The following RAB27B variants were observed in gnomAD, a reference collection of about 807,000 sequenced individuals.
The protein encoded by RAB27B is RAB27B, member RAS oncogene family.
Under a neutral mutation model 24.6 loss-of-function variants are expected in RAB27B, and 15 were observed. The ratio of observed to expected loss-of-function variants is 0.61; its 90% CI spans 0.41 to 0.94. The LOEUF (loss-of-function observed/expected upper bound fraction) is 0.94. RAB27B is among the 40% of genes least tolerant of loss of function. The pLI is 0.00. For synonymous variants in RAB27B, 105 were observed against 92.5 expected (o/e 1.14, Z -0.78); for missense variants, 261 against 266.8 (o/e 0.98, Z 0.15).
chr18:54,800,283 A>AG (rs1452270197), intron 2 of RAB27B, among the ~76,000 whole-genome samples: 3 of 152,224 alleles, frequency 2.0e-5, no homozygotes, highest in African/African-American at 7.2e-5. Flanking sequence ...TACAATGAAG[A>AG]GAATTGTGTA....
intron 1 of RAB27B, among the ~76,000 whole-genome samples, chr18:54,850,854 T>C (rs916426360): frequency 2.0e-5 from 3 of 151,764 alleles, no homozygotes; most frequent in Admixed American, 1.3e-4. Flanking sequence ...TACATATTCC[T>C]AAAGAGAGTG....
At chr18:54,854,580 A>G (rs1403112899) in intron 1 of RAB27B, among the ~76,000 whole-genome samples, 1 of 152,198 alleles carries the variant, frequency 6.6e-6, no homozygotes, top group African/African-American at 2.4e-5. Context: ...ATTAAGTGTG[A>G]AATTTCCTAA....
chr18:54,877,705 T>A lies in RAB27B; in HGVS notation c.120T>A (p.Thr40=), dbSNP rs571181264. 7.0e-5 allele frequency: 112 copies of A among 1,594,082 alleles called. No homozygotes were observed. The East Asian group carries it at 1.8e-3, about 26-fold the overall frequency. The part of the protein sequence containing the change: ...TDNKFNPKFI[T]TVGIDFREKR... The stretch of plus-strand genomic sequence containing the variant: ...ATAAATTCAATCCCAAATTCATCAC[T>A]ACAGTAGGAATAGACTTTCGGGAAA... The change falls in exon 2 of 6, where the codon ACT becomes ACA. Residue 40 remains threonine (T), a synonymous_variant. Transcript: ENST00000262094.
intron 2 of RAB27B, among the ~76,000 whole-genome samples, chr18:54,803,938 T>G (rs1909687976): frequency 6.6e-6 from 1 of 152,142 alleles, no homozygotes; most frequent in African/African-American, 2.4e-5. Flanking sequence ...GTGACTTTAT[T>G]AAATTGTCAC....
At chr18:54,815,848 T>C (rs562079122) in intron 2 of RAB27B, among the ~76,000 whole-genome samples, 1 of 152,254 alleles carries the variant, frequency 6.6e-6, no homozygotes, top group East Asian at 1.9e-4. Context: ...GGTCTCGAAC[T>C]CCTGACCTCA....
intron 2 of RAB27B, among the ~76,000 whole-genome samples, chr18:54,781,351 C>T (rs1394933803): frequency 6.6e-6 from 1 of 151,992 alleles, no homozygotes; most frequent in Non-Finnish European, 1.5e-5. Context: ...GAGCCTATCT[C>T]TGACCTTCAT....
rs1298123484 is a variant in RAB27B, at chr18:54,787,337, A to G, written c.-20+69196A>G. 3.9e-5 allele frequency among the ~76,000 whole-genome samples: 6 copies of G among 152,180 alleles called. No individual in the cohort carries two copies. The East Asian group carries it at 1.2e-3, about 29-fold the overall frequency. ...TGGGGAATGTTCTCTTTCCTACAGG[A>G]ACCACGTGGTCTAAAAGTGAGCAAA... On this transcript the variant is annotated intron_variant, in intron 2 of 4. Coordinates refer to the RAB27B transcript ENST00000586570.
rs1399402515 is a variant in RAB27B, at chr18:54,845,870, G to A, written c.-20+17170G>A. On this transcript the variant is annotated intron_variant, in intron 1 of 5. Transcript: ENST00000262094. ...TCTGCCTGCTTAATAACATTTATTT[G>A]TGACCCCAGAATCAATACCATGGTG... Among the ~76,000 whole-genome samples the A allele has an allele frequency of 2.0e-5, 3 of 152,072 alleles. No homozygotes were observed. In the East Asian group the frequency reaches 5.8e-4, roughly 29 times the overall value.
At chr18:54,780,654 C>T (rs1487341233) in intron 2 of RAB27B, among the ~76,000 whole-genome samples, 3 of 152,186 alleles carry the variant, frequency 2.0e-5, no homozygotes, top group African/African-American at 7.2e-5. Context: ...CATATAACTA[C>T]CTCTTTAAAG....
At chr18:54,865,502 A>G (rs879288502) in intron 1 of RAB27B, among the ~76,000 whole-genome samples, 6 of 152,196 alleles carry the variant, frequency 3.9e-5, no homozygotes, top group Non-Finnish European at 8.8e-5. Context: ...AAGGTGCACT[A>G]TTCCAACCAT....
chr18:54,840,851 G>A (rs914917639), intron 1 of RAB27B, among the ~76,000 whole-genome samples: 7 of 151,914 alleles, frequency 4.6e-5, no homozygotes, highest in African/African-American at 1.7e-4. Flanking sequence ...ACATCTAAAA[G>A]TACAGATAGC....
chr18:54,753,670 AAC>A, intron 2 of RAB27B, among the ~76,000 whole-genome samples: 1 of 147,192 alleles, frequency 6.8e-6, no homozygotes, highest in Non-Finnish European at 1.5e-5. Context: ...CTAAAACAAA[AAC>A]ATGTCTATAA....
chr18:54,867,452 T>C (rs1240645486), intron 1 of RAB27B, among the ~76,000 whole-genome samples: 2 of 145,952 alleles, frequency 1.4e-5, no homozygotes, highest in South Asian at 2.2e-4. Flanking sequence ...CTTTTTTTTT[T>C]TTTTTTTTTT....
At chr18:54,814,296 C>T (rs1910056629) in intron 2 of RAB27B, among the ~76,000 whole-genome samples, 1 of 152,192 alleles carries the variant, frequency 6.6e-6, no homozygotes, top group South Asian at 2.1e-4. Flanking sequence ...TGCAGATTTA[C>T]AATCCAGATT....
At chr18:54,718,575 G>A (rs1027569859) in intron 2 of RAB27B, among the ~76,000 whole-genome samples, 1 of 152,216 alleles carries the variant, frequency 6.6e-6, no homozygotes, top group East Asian at 1.9e-4. Flanking sequence ...GTCATTTGGT[G>A]CCCCACAGTG....
chr18:54,848,663 T>A (rs1170443346), intron 1 of RAB27B, among the ~76,000 whole-genome samples: 2 of 152,204 alleles, frequency 1.3e-5, no homozygotes, highest in Non-Finnish European at 2.9e-5. Context: ...AACATGATTT[T>A]AATGCAGATT....
rs1038313079 is a variant in RAB27B, at chr18:54,850,337, T to C, written c.-20+21637T>C. ...TATTTAAAAGCAAACAAACAGGATATATATATATATATATATATATATACA... is the reference window on the plus strand; with the variant it reads ...TATTTAAAAGCAAACAAACAGGATACATATATATATATATATATATATACA... On this transcript the variant is annotated intron_variant, in intron 1 of 5. Transcript: ENST00000262094. Among the ~76,000 whole-genome samples, 488 of 105,530 alleles carry C rather than the reference T, an allele frequency of 4.6e-3. 37 individuals carry two copies. The highest frequency in any genetic ancestry group is 0.012 in the East Asian group (53 of 4,398). 69.2% of individuals were successfully genotyped at this position (105,530 alleles called of 152,430 possible).
chr18:54,856,012 G>T (rs190087122), intron 1 of RAB27B, among the ~76,000 whole-genome samples: 19 of 152,302 alleles, frequency 1.2e-4, no homozygotes, highest in African/African-American at 4.3e-4. Flanking sequence ...AACACAAGAC[G>T]TGCAAAGCTT....
rs577413551 is a variant in RAB27B at position 54,891,289 on chromosome 18, T to A, written c.*1876T>A. 1.3e-5 allele frequency: 2 copies of A among 151,234 alleles called. No homozygotes were observed. The highest frequency in any genetic ancestry group is 4.9e-5 in the African/African-American group (2 of 40,580). 9.4% of individuals were successfully genotyped at this position (151,234 alleles called of 1,614,324 possible). On this transcript the variant is annotated 3_prime_UTR_variant, in exon 6 of 6. Coordinates refer to ENST00000262094, the MANE Select transcript of RAB27B (RefSeq NM_004163.4). Reference sequence around the variant, plus strand: ...ATTAATAATTTGAAAGCTTTCATGCTGTTAGCCCCTGATGAAATTCTCAGC... The same window carrying A: ...ATTAATAATTTGAAAGCTTTCATGCAGTTAGCCCCTGATGAAATTCTCAGC...
Sources: allele counts gnomAD v4.1 joint callset (sites outside exome capture counted in the v4.1 genomes callset), GRCh38; gene constraint gnomAD v4.1.1; transcripts MANE v1.5; gene names NCBI Gene and HGNC (gene_info 2026-07-23, HGNC 2026-07-21).